NRXN3: variants seen among roughly 807,000 people sequenced by gnomAD.
NRXN3 encodes neurexin 3.
Under a neutral mutation model 137.6 loss-of-function variants are expected in NRXN3, and 32 were observed. The observed-to-expected ratio is 0.23, with a 90% CI of 0.18 to 0.31. The LOEUF (loss-of-function observed/expected upper bound fraction) is 0.31, where lower values mean the gene tolerates loss of function less well. Among genes scored for constraint, NRXN3 ranks in the 10% least tolerant of loss-of-function variants. The probability of loss-of-function intolerance (pLI) is 1.00; values close to 1 mark genes in which losing one functional copy is unlikely to be tolerated. For synonymous variants in NRXN3, 798 were observed against 784.5 expected, an observed-to-expected ratio of 1.02 and a Z score of -0.29; for missense variants, 1,574 against 2,062.5, an observed-to-expected ratio of 0.76 and a Z score of 4.59.
intron 20 of NRXN3, among the ~76,000 whole-genome samples, chr14:79,825,533 AT>A (rs1603616977): frequency 6.6e-6 from 1 of 152,214 alleles, no homozygotes; most frequent in African/African-American, 2.4e-5. Flanking sequence ...CAACCCCAGC[AT>A]GGAGCACAAT....
At chr14:79,637,874 T>A (rs2098413601) in intron 16 of NRXN3, among the ~76,000 whole-genome samples, 1 of 151,532 alleles carries the variant, frequency 6.6e-6, no homozygotes, top group African/African-American at 2.4e-5. Flanking sequence ...GGATTACAGG[T>A]GTGCGCCACC....
chr14:79,416,318 C>T (rs555206336), intron 15 of NRXN3, among the ~76,000 whole-genome samples: 1 of 152,118 alleles, frequency 6.6e-6, no homozygotes, highest in African/African-American at 2.4e-5. Context: ...TAACTATGCA[C>T]AAACTGAGAA....
At chr14:79,339,388 C>T (rs569005109) in intron 15 of NRXN3, among the ~76,000 whole-genome samples, 1 of 152,292 alleles carries the variant, frequency 6.6e-6, no homozygotes, top group South Asian at 2.1e-4. Flanking sequence ...TTCCTAAAAC[C>T]TTACTCCAAA....
chr14:78,204,376 C>A (rs2061988080), intron 1 of NRXN3, among the ~76,000 whole-genome samples: 1 of 151,842 alleles, frequency 6.6e-6, no homozygotes, highest in African/African-American at 2.4e-5. Flanking sequence ...TCTTTATTTG[C>A]CTCTTGGTTT....
chr14:79,643,294 T>C (rs1218057002), intron 16 of NRXN3, among the ~76,000 whole-genome samples: 1 of 135,936 alleles, frequency 7.4e-6, no homozygotes, highest in Admixed American at 7.8e-5. Context: ...TCCTCCTGTC[T>C]TCCTGTCTCA....
At chr14:78,796,249 G>A (rs2098821401) in intron 8 of NRXN3, among the ~76,000 whole-genome samples, 1 of 152,184 alleles carries the variant, frequency 6.6e-6, no homozygotes, top group African/African-American at 2.4e-5. Context: ...TGCTGGGAAG[G>A]GCAAGCTGAA....
At chr14:79,688,928 T>C (rs529640532) in intron 17 of NRXN3, among the ~76,000 whole-genome samples, 32 of 152,272 alleles carry the variant, frequency 2.1e-4, no homozygotes, top group African/African-American at 6.0e-4. Context: ...GTGACTAATA[T>C]GTTTTTTTCT....
intron 15 of NRXN3, among the ~76,000 whole-genome samples, chr14:79,115,100 C>T (rs1027594720): frequency 6.6e-5 from 10 of 151,914 alleles, no homozygotes; most frequent in Non-Finnish European, 1.0e-4. Context: ...CCACAGAGGG[C>T]GAATCACCTG....
At chr14:78,664,026 A>G (rs189448852) in intron 6 of NRXN3, among the ~76,000 whole-genome samples, 1 of 152,276 alleles carries the variant, frequency 6.6e-6, no homozygotes, top group Non-Finnish European at 1.5e-5. Context: ...TGTGCCACAA[A>G]TAGTTCCTGC....
At chr14:78,253,863 C>T (rs73310322) in intron 2 of NRXN3, among the ~76,000 whole-genome samples, 1 of 125,184 alleles carries the variant, frequency 8.0e-6, no homozygotes, top group African/African-American at 3.0e-5. Context: ...CTTTTCAAGG[C>T]AGCCTAATGT....
chr14:78,273,683 C>T (rs1365989775), intron 2 of NRXN3, among the ~76,000 whole-genome samples: 1 of 152,154 alleles, frequency 6.6e-6, no homozygotes, highest in African/African-American at 2.4e-5. Flanking sequence ...TGTGTGTATA[C>T]ATATGTGTGT....
intron 19 of NRXN3, among the ~76,000 whole-genome samples, chr14:79,778,728 T>TA (rs548488009): frequency 1.1e-3 from 168 of 152,052 alleles, no homozygotes; most frequent in Non-Finnish European, 2.1e-3. Flanking sequence ...CTGTATAGTT[T>TA]AAAAAAAACA....
At chr14:78,654,038 C>G (rs61976145) in intron 6 of NRXN3, among the ~76,000 whole-genome samples, 1 of 152,258 alleles carries the variant, frequency 6.6e-6, no homozygotes, top group African/African-American at 2.4e-5. Flanking sequence ...CTAAGGGACT[C>G]GGAAGTCTTC....
intron 15 of NRXN3, among the ~76,000 whole-genome samples, chr14:79,337,444 G>A (rs1002686463): frequency 1.3e-5 from 2 of 152,148 alleles, no homozygotes; most frequent in African/African-American, 2.4e-5. Flanking sequence ...GCAGGAGCTG[G>A]TATATCTAAT....
At chr14:78,680,326 G>T (rs1039186909) in intron 6 of NRXN3, among the ~76,000 whole-genome samples, 1 of 152,058 alleles carries the variant, frequency 6.6e-6, no homozygotes, top group African/African-American at 2.4e-5. Context: ...AAATCCCCAT[G>T]ACACAAGTTT....
chr14:79,086,662 T>C (rs2048170336), intron 15 of NRXN3, among the ~76,000 whole-genome samples: 1 of 152,198 alleles, frequency 6.6e-6, no homozygotes, highest in Admixed American at 6.6e-5. Context: ...TCGAAGGCTT[T>C]TCCTTAACTT....
At chr14:78,919,452 T>C (rs919505620) in intron 10 of NRXN3, among the ~76,000 whole-genome samples, 3 of 152,186 alleles carry the variant, frequency 2.0e-5, no homozygotes, top group Admixed American at 2.0e-4. Context: ...TGGAGAAGAA[T>C]TGGAGTTTAG....
At chr14:78,320,161 G>A (rs2079155542) in intron 4 of NRXN3, among the ~76,000 whole-genome samples, 2 of 152,202 alleles carry the variant, frequency 1.3e-5, no homozygotes, top group Non-Finnish European at 2.9e-5. Context: ...TCTGAGAAAG[G>A]TTAAAGTGTG....
chr14:79,081,753 A>G (rs565987377), intron 15 of NRXN3, among the ~76,000 whole-genome samples: 1 of 152,330 alleles, frequency 6.6e-6, no homozygotes, highest in Non-Finnish European at 1.5e-5. Context: ...GGCAGACAAA[A>G]AATTAGAAAG....
Sources: gnomAD v4.1 joint callset for allele counts (sites outside exome capture counted in the v4.1 genomes callset) on GRCh38, gnomAD v4.1.1 for gene constraint, MANE v1.5 for transcripts, NCBI Gene and HGNC (gene_info 2026-07-23, HGNC 2026-07-21) for gene names.